Variants in ADGRL3 observed in about 807,000 individuals in gnomAD.
The protein encoded by ADGRL3 is calcium-independent alpha-latrotoxin receptor 3.
ADGRL3 carries 62 observed loss-of-function variants against 153.5 expected under a neutral mutation model. The observed-to-expected ratio is 0.40, with a 90% CI of 0.33 to 0.50. The LOEUF (loss-of-function observed/expected upper bound fraction) is 0.50. ADGRL3 is among the 20% of genes least tolerant of loss of function. The pLI is 0.47. For missense variants in ADGRL3, 1,641 were observed against 1,859.4 expected, an observed-to-expected ratio of 0.88 and a Z score of 2.16; for synonymous variants, 710 against 672.5, an observed-to-expected ratio of 1.06 and a Z score of -0.86.
chr4:61,378,186 G>A (rs930422364), intron 1 of ADGRL3, among the ~76,000 whole-genome samples: 1 of 151,972 alleles, frequency 6.6e-6, no homozygotes, highest in African/African-American at 2.4e-5. Flanking sequence ...GTTCTTACCA[G>A]AAGTTCAGTA....
At position 62,068,317 on chromosome 4, in the gene ADGRL3, G is replaced by A. The variant is rs79352056; in HGVS notation, c.3832+134G>A. On this transcript the variant is annotated intron_variant, in intron 26 of 26. Coordinates refer to ENST00000683033, the MANE Select transcript of ADGRL3 (RefSeq NM_001387552.1). ...TTAAAAACTAAAAAGCCTATGAATC[G>A]ACTTATATAAATATATGTTAATAGA... 637 of 650,520 alleles carry A rather than the reference G, an allele frequency of 9.8e-4. 7 individuals carry two copies. The East Asian group carries it at 0.016, about 16-fold the overall frequency. 40.3% of individuals were successfully genotyped at this position (650,520 alleles called of 1,614,324 possible). A position where few individuals can be genotyped will look rare whatever the true frequency, so the allele number is the denominator to read the frequency against.
At chr4:61,527,234 C>T (rs185553178) in intron 4 of ADGRL3, among the ~76,000 whole-genome samples, 5 of 152,020 alleles carry the variant, frequency 3.3e-5, no homozygotes, top group Non-Finnish European at 5.9e-5. Flanking sequence ...ACCATTCTGT[C>T]CATCTAATGC....
chr4:61,884,475 C>G (rs2149509857), intron 9 of ADGRL3, among the ~76,000 whole-genome samples: 1 of 152,260 alleles, frequency 6.6e-6, no homozygotes, highest in South Asian at 2.1e-4. Context: ...CTATAGCAAG[C>G]TTTCTAGAAT....
chr4:61,734,821 G>A (rs1229326632), intron 8 of ADGRL3, among the ~76,000 whole-genome samples: 2 of 152,202 alleles, frequency 1.3e-5, no homozygotes, highest in African/African-American at 2.4e-5. Flanking sequence ...CTGTAAAAAT[G>A]TATAACTACA....
At chr4:61,397,411 G>T (rs1276736189) in intron 2 of ADGRL3, among the ~76,000 whole-genome samples, 2 of 151,910 alleles carry the variant, frequency 1.3e-5, no homozygotes, top group Non-Finnish European at 2.9e-5. Context: ...AAAAAGAAAT[G>T]AGGCAAGTGT....
chr4:61,239,595 TC>T (rs1168907375), intron 1 of ADGRL3, among the ~76,000 whole-genome samples: 1 of 151,920 alleles, frequency 6.6e-6, no homozygotes, highest in East Asian at 1.9e-4. Flanking sequence ...GCTTGCTGCC[TC>T]CCCACTTAAA....
intron 5 of ADGRL3, among the ~76,000 whole-genome samples, chr4:61,634,505 G>A (rs2093332124): frequency 6.6e-6 from 1 of 152,098 alleles, no homozygotes; most frequent in Non-Finnish European, 1.5e-5. Flanking sequence ...AATGCAGTGT[G>A]TCTATTTAGT....
intron 4 of ADGRL3, among the ~76,000 whole-genome samples, chr4:61,557,430 T>G (rs2098772260): frequency 6.6e-6 from 1 of 152,166 alleles, no homozygotes; most frequent in Non-Finnish European, 1.5e-5. Context: ...GCACCAGGAA[T>G]TGCTGGAATC....
chr4:61,398,849 T>C (rs777090120), intron 2 of ADGRL3, among the ~76,000 whole-genome samples: 78 of 151,710 alleles, frequency 5.1e-4, no homozygotes, highest in Non-Finnish European at 9.6e-4. Flanking sequence ...AATTTTTATC[T>C]TCCTCTTTCC....
At chr4:61,690,435 A>T (rs2095519934) in intron 6 of ADGRL3, among the ~76,000 whole-genome samples, 1 of 147,120 alleles carries the variant, frequency 6.8e-6, no homozygotes, top group Non-Finnish European at 1.5e-5. Flanking sequence ...ACCCTGTCTC[A>T]TTTTTTTTTT....
intron 5 of ADGRL3, among the ~76,000 whole-genome samples, chr4:61,618,955 C>T (rs1340576165): frequency 1.3e-5 from 2 of 152,094 alleles, no homozygotes; most frequent in Non-Finnish European, 2.9e-5. Flanking sequence ...GAACGCAAAC[C>T]GTCTGCCCTC....
At chr4:61,817,249 C>T (rs1350473317) in intron 9 of ADGRL3, among the ~76,000 whole-genome samples, 9 of 151,770 alleles carry the variant, frequency 5.9e-5, no homozygotes, top group Non-Finnish European at 1.2e-4. Flanking sequence ...GCCGGGTGTC[C>T]GGTTTAAACC....
rs190044208 is a variant in ADGRL3 at position 61,869,753 on chromosome 4, A to G, written c.1481-22903A>G. On this transcript the variant is annotated intron_variant, in intron 9 of 26. Transcript: ENST00000683033. ...CGGGAGTTCGAGACCAGCCTGACCA[A>G]CATGGAGAAACCCCGTCTCTACTAA... 6.7e-3 allele frequency among the ~76,000 whole-genome samples: 1,016 copies of G among 151,426 alleles called. 14 individuals are homozygous for G. The highest frequency in any genetic ancestry group is 0.024 in the African/African-American group (972 of 41,272).
At chr4:61,517,609 C>T (rs2098505233) in intron 4 of ADGRL3, 91 bp downstream of exon 4, 1 of 667,902 alleles carries the variant, frequency 1.5e-6, no homozygotes, top group Non-Finnish European at 2.7e-6. Context: ...AATGTGTCTT[C>T]TTGTAAGTTT....
intron 1 of ADGRL3, among the ~76,000 whole-genome samples, chr4:61,297,691 A>T (rs1360936577): frequency 2.0e-5 from 3 of 151,542 alleles, no homozygotes; most frequent in Non-Finnish European, 4.4e-5. Context: ...TTTAACCCTA[A>T]ATTATTCTCT....
At chr4:61,370,301 A>G (rs1306752152) in intron 1 of ADGRL3, among the ~76,000 whole-genome samples, 1 of 150,738 alleles carries the variant, frequency 6.6e-6, no homozygotes, top group Non-Finnish European at 1.5e-5. Flanking sequence ...TTGTTTTTCT[A>G]GTTCTTTTAA....
chr4:61,379,595 T>C (rs1241602980), intron 1 of ADGRL3, among the ~76,000 whole-genome samples: 2 of 152,056 alleles, frequency 1.3e-5, no homozygotes, highest in African/African-American at 4.8e-5. Context: ...AATAGTCTTT[T>C]AAAAACATGT....
At chr4:61,846,849 G>C (rs2098122104) in intron 9 of ADGRL3, among the ~76,000 whole-genome samples, 1 of 151,628 alleles carries the variant, frequency 6.6e-6, no homozygotes, top group East Asian at 1.9e-4. Flanking sequence ...GGGTGGGGCG[G>C]GAAGAAGGAG....
At chr4:61,336,295 G>A (rs1365841769) in intron 1 of ADGRL3, among the ~76,000 whole-genome samples, 1 of 152,080 alleles carries the variant, frequency 6.6e-6, no homozygotes, top group Non-Finnish European at 1.5e-5. Context: ...AAATGGATTG[G>A]GGTGGCTGTT....
Sources: gnomAD v4.1 joint callset for allele counts (sites outside exome capture counted in the v4.1 genomes callset) on GRCh38, gnomAD v4.1.1 for gene constraint, MANE v1.5 for transcripts, NCBI Gene and HGNC (gene_info 2026-07-23, HGNC 2026-07-21) for gene names.